Variants in TUB observed in about 807,000 individuals in gnomAD.
The protein encoded by TUB is TUB bipartite transcription factor.
In TUB, 33 loss-of-function variants were observed where a neutral mutation model predicts 59.7. The observed-to-expected ratio is 0.55, with a 90% CI of 0.42 to 0.74. The LOEUF (loss-of-function observed/expected upper bound fraction) is 0.74. Among genes scored for constraint, TUB ranks in the 30% least tolerant of loss-of-function variants. The pLI is 0.00. For missense variants in TUB, 659 were observed against 672.0 expected, an observed-to-expected ratio of 0.98 and a Z score of 0.21; for synonymous variants, 293 against 256.4, an observed-to-expected ratio of 1.14 and a Z score of -1.36.
At chr11:8,067,486 A>G (rs762420252) in intron 2 of TUB, 3 of 152,254 alleles carry the variant, frequency 2.0e-5, no homozygotes, top group Non-Finnish European at 2.9e-5. Flanking sequence ...CAGGGTAAGC[A>G]TTTAATAAAT....
chr11:8,090,280 G>A (rs765696489), intron 3 of TUB, 49 bp downstream of exon 3: 22 of 1,596,932 alleles, frequency 1.4e-5, no homozygotes, highest in East Asian at 4.5e-5. Context: ...CGGGGAGCCC[G>A]TCACTTCCTG....
chr11:8,101,884 T>C lies in TUB; in HGVS notation c.*265T>C. 1 of 507,588 alleles carries C rather than the reference T, an allele frequency of 2.0e-6. No individual in the cohort carries two copies. Among genetic ancestry groups the C allele is most frequent in the Non-Finnish European group, 3.5e-6 (1 of 286,806 alleles). The allele number at this position is 507,588 out of a possible 1,614,324, so 31.4% of individuals were successfully genotyped here. A position where few individuals can be genotyped will look rare whatever the true frequency, so the allele number is the denominator to read the frequency against. ...ACGAGATCAACACACACTCCCACCC[T>C]TGGGGTAGTAGTGTGTTGTAGTCGT... On this transcript the variant is annotated 3_prime_UTR_variant, in exon 12 of 12. Coordinates refer to ENST00000299506, the MANE Select transcript of TUB (RefSeq NM_177972.3).
intron 1 of TUB, among the ~76,000 whole-genome samples, chr11:8,087,174 T>G (rs1406097): frequency 6.6e-6 from 1 of 152,160 alleles, no homozygotes; most frequent in Non-Finnish European, 1.5e-5. Context: ...GGAAATACCT[T>G]TAGTCAGTTG....
At position 8,022,618 on chromosome 11, in the gene TUB, G is replaced by A. The variant is rs560018834; in HGVS notation, c.56+3260G>A. Among the ~76,000 whole-genome samples the A allele has an allele frequency of 8.5e-5, 13 of 152,276 alleles. No homozygotes were observed. In the East Asian group the frequency reaches 1.5e-3, roughly 18 times the overall value. On this transcript the variant is annotated intron_variant, in intron 1 of 11. Transcript: ENST00000534099. ...AATAACAACTGTTTTGGCCAGGCGCGGTGGCTCAGGCCTGTAATCCCAGCA... is the reference window on the plus strand; with the variant it reads ...AATAACAACTGTTTTGGCCAGGCGCAGTGGCTCAGGCCTGTAATCCCAGCA...
chr11:8,068,327 T>C (rs988847309), intron 2 of TUB: 1 of 152,326 alleles, frequency 6.6e-6, no homozygotes, highest in African/African-American at 2.4e-5. Context: ...AAGAGCCTGC[T>C]CACTGGTATC....
intron 1 of TUB, among the ~76,000 whole-genome samples, chr11:8,031,654 C>T (rs895615052): frequency 3.3e-5 from 5 of 152,236 alleles, no homozygotes; most frequent in African/African-American, 1.2e-4. Flanking sequence ...ATACCATCTT[C>T]CTTGGTCTCA....
Position 8,103,807 on chromosome 11 carries a change from A to C in TUB, c.*2188A>C, listed in dbSNP as rs1479889146. On this transcript the variant is annotated 3_prime_UTR_variant, in exon 12 of 12. Transcript: ENST00000299506. ...ATTTCTCTGGATCTATGATTTTAAG[A>C]TAGAACAGGCTGGTTCTGAGTTCTG... 6.6e-6 allele frequency: 1 copy of C among 152,646 alleles called. No individual in the cohort carries two copies. The highest frequency in any genetic ancestry group is 1.5e-5 in the Non-Finnish European group (1 of 68,060). The allele number at this position is 152,646 out of a possible 1,614,324, so 9.5% of individuals were successfully genotyped here.
chr11:8,038,711 T>C (rs956257793), exon 1 of TUB: 1 of 1,473,318 alleles, frequency 6.8e-7, no homozygotes, highest in Middle Eastern at 2.4e-4. Flanking sequence ...AATTAATGGG[T>C]GATGGTGGTT....
At chr11:8,066,385 G>A (rs1013868168) in intron 2 of TUB, among the ~76,000 whole-genome samples, 12 of 152,224 alleles carry the variant, frequency 7.9e-5, no homozygotes, top group East Asian at 3.8e-4. Context: ...AAGCAACTCC[G>A]TGCAGTCCAG....
At chr11:8,051,468 C>G (rs77312183) in intron 2 of TUB, among the ~76,000 whole-genome samples, 1,924 of 152,196 alleles carry the variant, frequency 0.013, 33 homozygotes, top group African/African-American at 0.04. Context: ...AATCTCTGTA[C>G]TCTTGTGATC....
intron 2 of TUB, among the ~76,000 whole-genome samples, chr11:8,041,638 CAT>C (rs1441764567): frequency 3.9e-5 from 6 of 152,262 alleles, no homozygotes; most frequent in Admixed American, 1.3e-4. Context: ...ATATCTCCAC[CAT>C]GTCTGTTCAT....
intron 9 of TUB, among the ~76,000 whole-genome samples, chr11:8,100,237 C>T (rs759422709): frequency 2.0e-4 from 30 of 152,068 alleles, no homozygotes; most frequent in Non-Finnish European, 3.5e-4. Context: ...AGAGAGGACT[C>T]GAGTGTGACC....
At chr11:8,086,080 C>T (rs1193064248) in intron 1 of TUB, among the ~76,000 whole-genome samples, 1 of 152,184 alleles carries the variant, frequency 6.6e-6, no homozygotes, top group African/African-American at 2.4e-5. Context: ...AGGCCCCCAG[C>T]AGGAGGTGCC....
intron 1 of TUB, among the ~76,000 whole-genome samples, chr11:8,019,930 T>C (rs1325186522): frequency 1.3e-5 from 2 of 152,106 alleles, no homozygotes; most frequent in African/African-American, 4.8e-5. Flanking sequence ...GCTCTCGAGT[T>C]GCCAGGCTCC....
intron 7 of TUB, 30 bp from the exon 8 acceptor site, chr11:8,097,684 C>A: frequency 1.9e-6 from 3 of 1,571,592 alleles, no homozygotes; most frequent in Non-Finnish European, 8.7e-7. Flanking sequence ...GAGGCTGAGT[C>A]TGGAATATGA....
At chr11:8,071,021 G>A (rs1212802894) in intron 2 of TUB, among the ~76,000 whole-genome samples, 1 of 152,100 alleles carries the variant, frequency 6.6e-6, no homozygotes, top group African/African-American at 2.4e-5. Flanking sequence ...TGTTTTAAGT[G>A]GTTTATATAT....
rs574498155 is a variant in TUB at position 8,102,493 on chromosome 11, C to T, written c.*874C>T. 6.4e-4 allele frequency: 97 copies of T among 152,416 alleles called. No individual in the cohort carries two copies. The highest frequency in any genetic ancestry group is 2.2e-3 in the African/African-American group (91 of 41,574). 9.4% of individuals were successfully genotyped at this position (152,416 alleles called of 1,614,324 possible). ...AGCCCAGCACAACCCCCAGGAAACACAAATGGGGTCCAGGTCACCAGCCTG... is the reference window on the plus strand; with the variant it reads ...AGCCCAGCACAACCCCCAGGAAACATAAATGGGGTCCAGGTCACCAGCCTG... On this transcript the variant is annotated 3_prime_UTR_variant, in exon 12 of 12. Coordinates refer to ENST00000299506, the MANE Select transcript of TUB (RefSeq NM_177972.3).
chr11:8,093,633 C>T (rs1157936535), intron 3 of TUB, among the ~76,000 whole-genome samples: 1 of 152,200 alleles, frequency 6.6e-6, no homozygotes, highest in African/African-American at 2.4e-5. Context: ...CCCTGGAGTG[C>T]TTGCCCTGGT....
rs908409596 is a variant in TUB, at chr11:8,101,860, C to T, written c.*241C>T. On this transcript the variant is annotated 3_prime_UTR_variant, in exon 12 of 12. Coordinates refer to ENST00000299506, the MANE Select transcript of TUB (RefSeq NM_177972.3). ...GATGAGAATAATTCTTTCCATGCCA[C>T]GAGATCAACACACACTCCCACCCTT... The T allele has an allele frequency of 9.0e-5, 51 of 568,168 alleles. No homozygotes were observed. Among genetic ancestry groups the T allele is most frequent in the Non-Finnish European group, 1.2e-4 (41 of 333,718 alleles). 35.2% of individuals were successfully genotyped at this position (568,168 alleles called of 1,614,324 possible).
Sources: allele counts gnomAD v4.1 joint callset (sites outside exome capture counted in the v4.1 genomes callset), GRCh38; gene constraint gnomAD v4.1.1; transcripts MANE v1.5; gene names NCBI Gene and HGNC (gene_info 2026-07-23, HGNC 2026-07-21).